The following TONSL variants were observed in gnomAD, a reference collection of about 807,000 sequenced individuals.
TONSL encodes tonsoku-like protein.
A neutral mutation model predicts 147.1 loss-of-function variants in TONSL; 112 were observed. The observed-to-expected ratio is 0.76, with a 90% confidence interval of 0.65 to 0.89. The LOEUF is 0.89. Ranked by LOEUF, TONSL falls within the 40% of genes least tolerant of loss-of-function variation. The probability of loss-of-function intolerance (pLI) is 0.00; values close to 1 mark genes in which losing one functional copy is unlikely to be tolerated. For synonymous variants in TONSL, 868 were observed against 801.5 expected, an observed-to-expected ratio of 1.08 and a Z score of -1.40; for missense variants, 1,883 against 1,864.6, an observed-to-expected ratio of 1.01 and a Z score of -0.18.
At position 144,435,688 on chromosome 8, in the gene TONSL, A is replaced by G. The variant is rs750872978; in HGVS notation, c.2745T>C (p.Ser915=). The G allele has an allele frequency of 1.2e-6, 2 of 1,609,910 alleles. No homozygotes were observed. The highest frequency in any genetic ancestry group is 1.7e-4 in the Middle Eastern group (1 of 5,992). ...GCTGGCCTGCCGCAGAGCTGTCCCC[A>G]CTGGGCTCTGAGACCCTGGGGGTGC... The part of the protein sequence containing the change: ...SPSTPRVSEP[S]GDSSAAGQPL... The change falls in exon 17 of 26, where the codon AGT becomes AGC. Residue 915 remains serine, a synonymous_variant. Transcript: ENST00000409379.
In TONSL at chr8:144,444,293, G is replaced by C. The variant is rs114625445; in HGVS notation, c.26-18C>G. The C allele has an allele frequency of 3.9e-4, 538 of 1,375,360 alleles. 2 individuals are homozygous for C. The African/African-American group carries it at 7.2e-3, about 18-fold the overall frequency. The allele number at this position is 1,375,360 out of a possible 1,614,324, so 85.2% of individuals were successfully genotyped here. A position where few individuals can be genotyped will look rare whatever the true frequency, so the allele number is the denominator to read the frequency against. On this transcript the variant is annotated intron_variant, in intron 1 of 25. Coordinates refer to ENST00000409379, the MANE Select transcript of TONSL (RefSeq NM_013432.5). The stretch of plus-strand genomic sequence containing the variant: ...GCTCAGCTCTGTGGGAGGAAGAGGA[G>C]GGCTGGGCCTCCGCGGCGGGGTCCG...
chr8:144,435,655 C>T lies in TONSL; in HGVS notation c.2775+3G>A, dbSNP rs2130847835. On this transcript the variant is annotated splice_donor_region_variant and intron_variant, in intron 17 of 25. Transcript: ENST00000409379. ...GGGCTCTGCTCCAGGTCTGCATACC[C>T]ACCAAGGGCTGGCCTGCCGCAGAGC... 7 of 1,597,400 alleles carry T rather than the reference C, an allele frequency of 4.4e-6. No individual in the cohort carries two copies. In the East Asian group the frequency reaches 6.7e-5, roughly 15 times the overall value.
chr8:144,442,296 G>T lies in TONSL; in HGVS notation c.695C>A (p.Ala232Glu), dbSNP rs368498512. Residue 232 changes from alanine to glutamate, a missense_variant, in exon 6 of 26, where the codon GCG (alanine) becomes GAG (glutamate). Coordinates refer to ENST00000409379, the MANE Select transcript of TONSL (RefSeq NM_013432.5). ...MRCLEGAREC[A>E]HTMRKRFMES... ...CATGAACCGCTTCCTCATGGTGTGC[G>T]CACACTCCCGGGCACCCTCCAAGCA... The T allele has an allele frequency of 6.3e-7, 1 of 1,598,270 alleles. No homozygotes were observed. The highest frequency in any genetic ancestry group is 1.1e-5 in the South Asian group (1 of 90,552).
chr8:144,433,613 C>A lies in TONSL; in HGVS notation c.3534G>T (p.Gln1178His). Reference protein sequence around the residue: ...GFGPSFFLSHQTALGSAFQDA... With the variant: ...GFGPSFFLSHHTALGSAFQDA... ...CTTGGAAAGCACTACCCAGTGCTGT[C>A]TGGTGGCTCAGAAAGAAGCTGGGGC... Residue 1178 changes from glutamine (Q) to histidine (H), a missense_variant, in exon 22 of 26, where the codon CAG becomes CAT. By Grantham distance (24) the Gln-to-His change is conservative. Transcript: ENST00000409379. 6.2e-7 allele frequency: 1 copy of A among 1,613,524 alleles called. No homozygotes were observed. Among genetic ancestry groups the A allele is most frequent in the Non-Finnish European group, 8.5e-7 (1 of 1,179,972 alleles).
Position 144,432,293 on chromosome 8 carries a change from G to A in TONSL, c.3727C>T (p.Leu1243=), listed in dbSNP as rs1554878863. The A allele has an allele frequency of 6.2e-7, 1 of 1,613,788 alleles. No individual in the cohort carries two copies. The highest frequency in any genetic ancestry group is 1.1e-5 in the South Asian group (1 of 91,080). ...SDLMEPVFRY[L]AKEGCALAHL... is the part of the protein sequence containing the mutation. ...TCTTCCCCACCTCGTACCTTGGCCAGGTATCGGAATACAGGCTCCATGAGG... is the reference window on the plus strand; with the variant it reads ...TCTTCCCCACCTCGTACCTTGGCCAAGTATCGGAATACAGGCTCCATGAGG... The change falls in exon 23 of 26, where the codon CTG becomes TTG. Residue 1243 remains leucine (L), a synonymous_variant. Transcript: ENST00000409379.
At position 144,443,764 on chromosome 8, in the gene TONSL, G is replaced by A. The variant is rs1357864181; in HGVS notation, c.264+118C>T. On this transcript the variant is annotated intron_variant, in intron 3 of 25. Transcript: ENST00000409379. ...CCCGGGGCGGTGAAGGCAAGGCTGC[G>A]TCAGGTCAGGTGTCCCCTCCAGCCC... 4 of 1,394,640 alleles carry A rather than the reference G, an allele frequency of 2.9e-6. No individual in the cohort carries two copies. The East Asian group carries it at 7.5e-5, about 26-fold the overall frequency. The allele number at this position is 1,394,640 out of a possible 1,614,324, so 86.4% of individuals were successfully genotyped here. A position where few individuals can be genotyped will look rare whatever the true frequency, so the allele number is the denominator to read the frequency against.
chr8:144,439,825 CAGG>C (rs1823632360), intron 11 of TONSL, 193 bp downstream of exon 11: 1 of 554,560 alleles, frequency 1.8e-6, no homozygotes, highest in African/African-American at 1.9e-5. Context: ...CTGTCTCCTC[CAGG>C]AGGCCAAGGC....
chr8:144,431,922 G>A (rs1823217011), intron 23 of TONSL, among the ~76,000 whole-genome samples: 2 of 150,650 alleles, frequency 1.3e-5, no homozygotes, highest in African/African-American at 2.4e-5. Flanking sequence ...TCTGCCTCCC[G>A]GGTTCAACCA....
In TONSL at chr8:144,436,177, G is replaced by A. The variant is rs746501286; in HGVS notation, c.2256C>T (p.Pro752=). Residue 752 remains proline, a synonymous_variant, in exon 17 of 26, where the codon CCC becomes CCT. Transcript: ENST00000409379. ...SSSEGEDSAG[P]ARPSQKRPRC... is the part of the protein sequence containing the mutation. The stretch of plus-strand genomic sequence containing the variant: ...GAGGCCTCTTCTGGGACGGCCGTGC[G>A]GGGCCTGCGCTGTCCTCGCCTTCTG... 1.3e-5 allele frequency: 20 copies of A among 1,577,532 alleles called. No homozygotes were observed. The highest frequency in any genetic ancestry group is 1.2e-4 in the South Asian group (11 of 89,212).
At position 144,440,452 on chromosome 8, in the gene TONSL, C is replaced by A; in HGVS notation, c.1189G>T (p.Ala397Ser). The change falls in exon 10 of 26, where the codon GCA becomes TCA. Residue 397 changes from alanine (A) to serine (S), a missense_variant. Transcript: ENST00000409379. ...LEEAKTWLNI[A>S]LSREEAGDAY... ...TCGCCGGCCTCCTCGCGGGACAGTG[C>A]AATGTTCAGCCAGGTCTTGGCCTCC... 1.2e-6 allele frequency: 2 copies of A among 1,604,504 alleles called. No individual in the cohort carries two copies. The highest frequency in any genetic ancestry group is 1.7e-6 in the Non-Finnish European group (2 of 1,174,242).
In TONSL at chr8:144,444,381, G is replaced by T. The variant is rs1266623734; in HGVS notation, c.25+9C>A. The T allele has an allele frequency of 3.1e-6, 4 of 1,276,026 alleles. No individual in the cohort carries two copies. In the African/African-American group the frequency reaches 4.7e-5, roughly 15 times the overall value. 79.0% of individuals were successfully genotyped at this position (1,276,026 alleles called of 1,614,324 possible). ...CGCCCCCGGAGGAAGGGGTCCCCGA[G>T]GAACTTACGGCGAAGCTCGCGCTCC... On this transcript the variant is annotated intron_variant, in intron 1 of 25. Transcript: ENST00000409379.
At position 144,435,978 on chromosome 8, in the gene TONSL, C is replaced by T. The variant is rs766180104; in HGVS notation, c.2455G>A (p.Ala819Thr). 1 of 1,554,944 alleles carries T rather than the reference C, an allele frequency of 6.4e-7. No individual in the cohort carries two copies. The highest frequency in any genetic ancestry group is 8.7e-7 in the Non-Finnish European group (1 of 1,151,402). The part of the protein sequence containing the change: ...GPPRGHSKAL[A>T]PQAALIPEEE... ...TCCGGGATGAGCGCTGCCTGGGGGG[C>T]AAGGGCTTTGCTGTGGCCCCGCGGT... The change falls in exon 17 of 26, where the codon GCC (alanine) becomes ACC (threonine). Residue 819 changes from alanine to threonine, a missense_variant. Physicochemically the swap from Ala to Thr is moderately conservative, Grantham distance 58. Coordinates refer to ENST00000409379, the MANE Select transcript of TONSL (RefSeq NM_013432.5).
intron 1 of TONSL, 45 bp from the exon 2 acceptor site, chr8:144,444,320 G>A (rs1193397589): frequency 1.2e-5 from 16 of 1,335,252 alleles, no homozygotes; most frequent in South Asian, 5.7e-5. Context: ...CGGGGTCCGG[G>A]GCCGGGGCCG....
At chr8:144,436,714 GC>G in intron 15 of TONSL, 33 bp from the exon 16 acceptor site, 1 of 1,611,278 alleles carries the variant, frequency 6.2e-7, no homozygotes. Context: ...GGGCACAGCA[GC>G]CCCCATAACC....
Position 144,434,863 on chromosome 8 carries a change from G to A in TONSL, c.3033C>T (p.Asp1011=), listed in dbSNP as rs761389890. 1.2e-6 allele frequency: 2 copies of A among 1,613,416 alleles called. No individual in the cohort carries two copies. Among genetic ancestry groups the A allele is most frequent in the Non-Finnish European group, 1.7e-6 (2 of 1,179,956 alleles). ...DEVLAEVTSW[D]LPPLTDRYRR... ...GGTAGCGGTCAGTCAACGGGGGCAG[G>A]TCCCACGAAGTCACCTCAGCCAACA... The change falls in exon 20 of 26, where the codon GAC becomes GAT. Residue 1011 remains aspartate (D), a synonymous_variant. Transcript: ENST00000409379.
chr8:144,440,966 C>G lies in TONSL; in HGVS notation c.1011G>C (p.Gln337His), dbSNP rs1369877397. 2 of 1,613,132 alleles carry G rather than the reference C, an allele frequency of 1.2e-6. No individual in the cohort carries two copies. The highest frequency in any genetic ancestry group is 2.7e-5 in the African/African-American group (2 of 75,050). ...FPRAAEAYQK[Q>H]LRFAELLDRP... The stretch of plus-strand genomic sequence containing the variant: ...CTCCCACCCAGCCGGGGCCACACAC[C>G]TGCTTCTGGTAAGCCTCAGCTGCCC... The change falls in exon 8 of 26, where the codon CAG becomes CAC. Residue 337 changes from glutamine (Q) to histidine (H), a missense_variant and splice_region_variant. Coordinates refer to ENST00000409379, the MANE Select transcript of TONSL (RefSeq NM_013432.5).
chr8:144,436,704 G>C, intron 15 of TONSL, 23 bp from the exon 16 acceptor site: 1 of 1,611,468 alleles, frequency 6.2e-7, no homozygotes, highest in Non-Finnish European at 8.5e-7. Flanking sequence ...AGTTGAGCAG[G>C]GGCACAGCAG....
rs370703257 is a variant in TONSL at position 144,438,622 on chromosome 8, G to C, written c.1563+31C>G. The C allele has an allele frequency of 8.1e-6, 13 of 1,612,642 alleles. No homozygotes were observed. In the East Asian group the frequency reaches 2.9e-4, roughly 36 times the overall value. ...TGAGGAGCTGGCAGGGCTGCTGAGC[G>C]GGGTGGGTGGGGGCAGGGCACTGTC... On this transcript the variant is annotated intron_variant, in intron 12 of 25. Coordinates refer to ENST00000409379, the MANE Select transcript of TONSL (RefSeq NM_013432.5).
rs1326227921 is a variant in TONSL, at chr8:144,443,945, G to A, written c.201C>T (p.Ala67=). 5 of 1,543,902 alleles carry A rather than the reference G, an allele frequency of 3.2e-6. No homozygotes were observed. Among genetic ancestry groups the A allele is most frequent in the African/African-American group, 1.4e-5 (1 of 73,174 alleles). ...GCTCTCCGATCTTGCGGTGGGCCAC[G>A]GCACAGCCCAGAGGGTCGTCAGCGC... ...RERADDPLGC[A]VAHRKIGERL... The change falls in exon 3 of 26, where the codon GCC becomes GCT. Residue 67 remains alanine (A), a synonymous_variant. Coordinates refer to ENST00000409379, the MANE Select transcript of TONSL (RefSeq NM_013432.5).
Sources: gnomAD v4.1 joint callset for allele counts (sites outside exome capture counted in the v4.1 genomes callset) on GRCh38, gnomAD v4.1.1 for gene constraint, MANE v1.5 for transcripts, NCBI Gene and HGNC (gene_info 2026-07-23, HGNC 2026-07-21) for gene names.